Variants in TAFA5 observed in about 807,000 individuals in gnomAD.
TAFA5 encodes chemokine-like protein TAFA-5.
Under a neutral mutation model 15.3 loss-of-function variants are expected in TAFA5, and 6 were observed. The ratio of observed to expected loss-of-function variants is 0.39; its 90% CI spans 0.21 to 0.77. TAFA5 has a LOEUF of 0.77. Among genes scored for constraint, TAFA5 ranks in the 30% least tolerant of loss-of-function variants. TAFA5 has a pLI of 0.41. For missense variants in TAFA5, 161 were observed against 193.1 expected (o/e 0.83, Z 0.98); for synonymous variants, 103 against 80.7 (o/e 1.28, Z -1.48).
At chr22:48,493,739 A>C (rs1928233446) in intron 1 of TAFA5, among the ~76,000 whole-genome samples, 1 of 152,158 alleles carries the variant, frequency 6.6e-6, no homozygotes, top group African/African-American at 2.4e-5. Context: ...TCCATGCCCT[A>C]GGCTCAGTGA....
At chr22:48,690,938 C>T (rs1273477469) in intron 2 of TAFA5, among the ~76,000 whole-genome samples, 2 of 152,162 alleles carry the variant, frequency 1.3e-5, no homozygotes, top group East Asian at 1.9e-4. Context: ...GCTTACCCCA[C>T]ATCTGGATGG....
chr22:48,678,942 C>T (rs898048537), intron 2 of TAFA5, among the ~76,000 whole-genome samples: 4 of 149,842 alleles, frequency 2.7e-5, no homozygotes, highest in Non-Finnish European at 6.0e-5. Flanking sequence ...CCATCCGTCT[C>T]CCAGCTCTGC....
chr22:48,579,838 C>G (rs1923966976), intron 1 of TAFA5, among the ~76,000 whole-genome samples: 1 of 152,164 alleles, frequency 6.6e-6, no homozygotes, highest in African/African-American at 2.4e-5. Flanking sequence ...GGTTTCTGGG[C>G]TTTGGCACCC....
chr22:48,604,447 A>G (rs776744232), intron 1 of TAFA5, among the ~76,000 whole-genome samples: 9 of 152,120 alleles, frequency 5.9e-5, no homozygotes, highest in Admixed American at 1.3e-4. Flanking sequence ...ACAGCAGGAG[A>G]TGGCTCCCGC....
chr22:48,645,411 C>T (rs569730295), intron 1 of TAFA5, among the ~76,000 whole-genome samples: 11 of 152,248 alleles, frequency 7.2e-5, no homozygotes, highest in South Asian at 4.1e-4. Flanking sequence ...TTCATCTTCC[C>T]GCACCTGAGA....
intron 2 of TAFA5, among the ~76,000 whole-genome samples, chr22:48,683,400 A>G (rs1010472421): frequency 2.5e-4 from 38 of 152,162 alleles, no homozygotes; most frequent in Admixed American, 2.5e-3. Context: ...CATCAGCCTA[A>G]CAGCCCAGTG....
rs377764643 is a variant in TAFA5, at chr22:48,490,778, C to CAAAAAAAA, written c.112+1083_112+1090dup. Among the ~76,000 whole-genome samples the CAAAAAAAA allele has an allele frequency of 7.2e-5, 6 of 83,498 alleles. No homozygotes were observed. In the East Asian group the frequency reaches 1.1e-3, roughly 15 times the overall value. 54.8% of individuals were successfully genotyped at this position (83,498 alleles called of 152,430 possible). A position where few individuals can be genotyped will look rare whatever the true frequency, so the allele number is the denominator to read the frequency against. On this transcript the variant is annotated intron_variant, in intron 1 of 3. Transcript: ENST00000402357. This position sits in a 1 kb window ranked among gnomAD's most constrained non-coding sequence, Gnocchi z 5.8. ...GTGATGGAAAAATATGGATTCTTTA[C>CAAAAAAAA]AAAAAAAAAAAAAAAAGGCCAGCAC...
intron 2 of TAFA5, among the ~76,000 whole-genome samples, chr22:48,706,495 G>A (rs1929083267): frequency 6.6e-6 from 1 of 152,224 alleles, no homozygotes; most frequent in South Asian, 2.1e-4. Context: ...GTGGGGATAT[G>A]TGACTTCATC....
At chr22:48,567,341 G>A (rs898521705) in intron 1 of TAFA5, among the ~76,000 whole-genome samples, 2 of 150,962 alleles carry the variant, frequency 1.3e-5, no homozygotes, top group East Asian at 1.9e-4. Flanking sequence ...GCAGGCTCCC[G>A]CCCCAGGCTG....
rs1924865376 is a variant in TAFA5, at chr22:48,598,929, T to G, written c.113-47668T>G. On this transcript the variant is annotated intron_variant, in intron 1 of 3. Transcript: ENST00000402357. The surrounding 1 kb of genome is among the most constrained non-coding windows in gnomAD (Gnocchi z 4.0). The stretch of plus-strand genomic sequence containing the variant: ...CATTTGCGAGAATGGCCCACAATCC[T>G]CAGGAAGCCCTTTGCTTACCATTCC... 6.6e-6 allele frequency among the ~76,000 whole-genome samples: 1 copy of G among 152,048 alleles called. No homozygotes were observed. The highest frequency in any genetic ancestry group is 1.5e-5 in the Non-Finnish European group (1 of 68,012).
intron 3 of TAFA5, among the ~76,000 whole-genome samples, chr22:48,733,741 G>A (rs130214): frequency 4.2e-3 from 522 of 123,750 alleles, no homozygotes; most frequent in Middle Eastern, 9.8e-3. Flanking sequence ...CCAGCCTGCA[G>A]GCCAAATCAG....
intron 1 of TAFA5, among the ~76,000 whole-genome samples, chr22:48,512,421 A>G (rs1360026900): frequency 1.3e-5 from 2 of 152,128 alleles, no homozygotes; most frequent in Non-Finnish European, 2.9e-5. Flanking sequence ...AGCCTGGCCA[A>G]CATGGTGAAA....
At chr22:48,580,552 G>A (rs1172515939) in intron 1 of TAFA5, among the ~76,000 whole-genome samples, 2 of 152,200 alleles carry the variant, frequency 1.3e-5, no homozygotes, top group South Asian at 2.1e-4. Context: ...CTTGGTAGAT[G>A]CCCTTGAGGT....
At chr22:48,596,067 C>T (rs1329155526) in intron 1 of TAFA5, among the ~76,000 whole-genome samples, 1 of 152,188 alleles carries the variant, frequency 6.6e-6, no homozygotes, top group African/African-American at 2.4e-5. Context: ...GAAAGCAGTG[C>T]CTGAATTAAC....
intron 2 of TAFA5, among the ~76,000 whole-genome samples, chr22:48,699,662 T>C (rs866758034): frequency 5.3e-5 from 8 of 152,350 alleles, no homozygotes; most frequent in Middle Eastern, 3.4e-3. Context: ...GGCACTTTTA[T>C]GAGCGGGTTC....
intron 1 of TAFA5, among the ~76,000 whole-genome samples, chr22:48,512,779 C>T (rs147923009): frequency 2.1e-3 from 319 of 151,858 alleles, no homozygotes; most frequent in African/African-American, 7.3e-3. Context: ...AAAAATTACC[C>T]GGGGGTGGTG....
chr22:48,542,476 GT>G (rs1922457489), intron 1 of TAFA5, among the ~76,000 whole-genome samples: 1 of 66,544 alleles, frequency 1.5e-5, no homozygotes, highest in African/African-American at 4.3e-5. Context: ...GTGTATGTGT[GT>G]GTGGTGTGTG....
At chr22:48,666,628 T>A (rs535928348) in intron 2 of TAFA5, among the ~76,000 whole-genome samples, 1 of 63,506 alleles carries the variant, frequency 1.6e-5, no homozygotes, top group Non-Finnish European at 3.2e-5. Flanking sequence ...TGCCATTCCC[T>A]CTTGGTGTGG....
Position 48,579,109 on chromosome 22 carries a change from G to T in TAFA5, c.113-67488G>T, listed in dbSNP as rs559643266. On this transcript the variant is annotated intron_variant, in intron 1 of 3. Coordinates refer to ENST00000402357, the MANE Select transcript of TAFA5 (RefSeq NM_001082967.3). ...CTTCTCCTTTTGTGTGGAGATAGAG[G>T]CCACCCCGTGGCTAATCCGTCCCCC... 3.6e-5 allele frequency among the ~76,000 whole-genome samples: 5 copies of T among 140,624 alleles called. No individual in the cohort carries two copies. The East Asian group carries it at 1.0e-3, about 29-fold the overall frequency. 92.3% of individuals were successfully genotyped at this position (140,624 alleles called of 152,430 possible).
Sources: gnomAD v4.1 joint callset for allele counts (sites outside exome capture counted in the v4.1 genomes callset) on GRCh38, gnomAD v4.1.1 for gene constraint, Gnocchi (gnomAD v3.1) non-coding constraint, MANE v1.5 for transcripts, NCBI Gene and HGNC (gene_info 2026-07-23, HGNC 2026-07-21) for gene names.